ZC3H12B: variants seen among roughly 807,000 people sequenced by gnomAD.
The protein encoded by ZC3H12B is probable ribonuclease ZC3H12B.
ZC3H12B carries 7 observed loss-of-function variants against 43.9 expected under a neutral mutation model. That is an observed-to-expected ratio of 0.16 (90% confidence interval 0.09 to 0.30). The LOEUF (loss-of-function observed/expected upper bound fraction) is 0.30, where lower values mean the gene tolerates loss of function less well. Among genes scored for constraint, ZC3H12B ranks in the 10% least tolerant of loss-of-function variants. The pLI, the probability that ZC3H12B is intolerant of heterozygous loss-of-function variation, is 1.00. For synonymous variants in ZC3H12B, 222 were observed against 241.7 expected (o/e 0.92, Z 0.76); for missense variants, 475 against 670.2 (o/e 0.71, Z 3.22).
At chrX:65,226,146 A>G in the ZC3H12B span, among the ~76,000 whole-genome samples, 1 of 112,073 alleles carries the variant, frequency 8.9e-6, no homozygotes, top group Non-Finnish European at 1.9e-5. Context: ...TTACCCACAA[A>G]GGGAAGCCCA....
chrX:65,428,671 C>T (rs1040500773), intron 3 of ZC3H12B, among the ~76,000 whole-genome samples: 11 of 112,224 alleles, frequency 9.8e-5, no homozygotes, highest in Admixed American at 4.7e-4. Flanking sequence ...TATCATGACT[C>T]TTAGCTTCCA....
the ZC3H12B span, among the ~76,000 whole-genome samples, chrX:65,122,613 C>T: frequency 2.7e-5 from 3 of 111,006 alleles, 1 homozygote; most frequent in South Asian, 1.1e-3. Context: ...AGTCAAGACC[C>T]GTCAGTATGC....
chrX:65,471,246 A>G (rs2067908311), intron 3 of ZC3H12B, among the ~76,000 whole-genome samples: 1 of 110,599 alleles, frequency 9.0e-6, no homozygotes, highest in African/African-American at 3.3e-5. Context: ...TGATGCTTTT[A>G]TCATTATATA....
chrX:65,132,679 G>C, the ZC3H12B span, among the ~76,000 whole-genome samples: 1 of 111,484 alleles, frequency 9.0e-6, no homozygotes, highest in Non-Finnish European at 1.9e-5. Context: ...AAACAATGTT[G>C]TCCAAGTTCG....
the ZC3H12B span, among the ~76,000 whole-genome samples, chrX:65,306,103 A>G: frequency 8.9e-6 from 1 of 112,477 alleles, no homozygotes; most frequent in Non-Finnish European, 1.9e-5. Flanking sequence ...GATGTAGCAT[A>G]AGGAAAGAAG....
At chrX:65,459,688 G>C (rs1378412371) in intron 3 of ZC3H12B, among the ~76,000 whole-genome samples, 1 of 111,494 alleles carries the variant, frequency 9.0e-6, no homozygotes, top group Non-Finnish European at 1.9e-5. Flanking sequence ...CAATAAATTA[G>C]GTATTGATGG....
chrX:65,412,721 G>A (rs754494672), intron 3 of ZC3H12B, among the ~76,000 whole-genome samples: 163 of 111,896 alleles, frequency 1.5e-3, no homozygotes, highest in African/African-American at 5.2e-3. Context: ...GCTCACCTCA[G>A]CCTCCCAAAG....
At chrX:65,307,133 G>T in the ZC3H12B span, among the ~76,000 whole-genome samples, 1 of 112,273 alleles carries the variant, frequency 8.9e-6, no homozygotes, top group Admixed American at 9.4e-5. Context: ...TTATAAAATT[G>T]TAGAGTGTAA....
intron 3 of ZC3H12B, among the ~76,000 whole-genome samples, chrX:65,478,224 A>C (rs2068020649): frequency 8.9e-6 from 1 of 112,000 alleles, no homozygotes; most frequent in Admixed American, 9.5e-5. Context: ...TTTTTTAAAG[A>C]AATGGGGTCT....
chrX:65,063,721 C>T, the ZC3H12B span, among the ~76,000 whole-genome samples: 2 of 112,158 alleles, frequency 1.8e-5, no homozygotes, highest in Non-Finnish European at 3.8e-5. Flanking sequence ...TGAGAAGTTT[C>T]AGAAGGAATG....
chrX:65,190,421 T>C, the ZC3H12B span, among the ~76,000 whole-genome samples: 2 of 111,649 alleles, frequency 1.8e-5, no homozygotes, highest in Admixed American at 9.5e-5. Context: ...TGATTCTTCT[T>C]ACCCATGAGC....
the ZC3H12B span, among the ~76,000 whole-genome samples, chrX:65,148,378 G>C: frequency 8.9e-6 from 1 of 112,086 alleles, no homozygotes; most frequent in Non-Finnish European, 1.9e-5. Context: ...GCCTGGGGCT[G>C]TGGGATCAGC....
the ZC3H12B span, among the ~76,000 whole-genome samples, chrX:65,245,177 C>G: frequency 9.0e-6 from 1 of 111,636 alleles, no homozygotes; most frequent in Admixed American, 9.5e-5. Flanking sequence ...CATACAACCT[C>G]CCAAGACTAA....
chrX:65,232,529 T>G, the ZC3H12B span, among the ~76,000 whole-genome samples: 197 of 112,121 alleles, frequency 1.8e-3, 6 homozygotes, highest in South Asian at 0.072. Flanking sequence ...ATCCTCGGTT[T>G]AAAATAATTG....
At chrX:65,487,333 G>T (rs1249741775), upstream of ZC3H12B, among the ~76,000 whole-genome samples, 2 of 112,364 alleles carry the variant, frequency 1.8e-5, no homozygotes, top group Non-Finnish European at 3.8e-5. Flanking sequence ...CTGAGGTAAG[G>T]AGTTCGAGAC....
At chrX:65,163,116 G>A in the ZC3H12B span, among the ~76,000 whole-genome samples, 12 of 110,896 alleles carry the variant, frequency 1.1e-4, no homozygotes, top group South Asian at 7.8e-4. Context: ...CTGTCTGATC[G>A]TTCCTCTGGA....
the ZC3H12B span, among the ~76,000 whole-genome samples, chrX:65,087,595 G>A: frequency 4.5e-5 from 5 of 111,412 alleles, no homozygotes; most frequent in African/African-American, 1.6e-4. Context: ...AGGAGTGCTC[G>A]TATTTTAGAG....
the ZC3H12B span, among the ~76,000 whole-genome samples, chrX:65,189,500 G>T: frequency 9.2e-6 from 1 of 108,677 alleles, no homozygotes; most frequent in African/African-American, 3.4e-5. Context: ...TAAATGGTGT[G>T]AGATGGTATC....
the ZC3H12B span, among the ~76,000 whole-genome samples, chrX:65,054,371 T>C: frequency 3.6e-5 from 4 of 111,630 alleles, no homozygotes; most frequent in East Asian, 1.1e-3. Flanking sequence ...AGGGAATCCT[T>C]TCCCCATTTC....
Sources: gnomAD v4.1 joint callset for allele counts (sites outside exome capture counted in the v4.1 genomes callset) on GRCh38, gnomAD v4.1.1 for gene constraint, MANE v1.5 for transcripts, NCBI Gene and HGNC (gene_info 2026-07-23, HGNC 2026-07-21) for gene names.